CCN5: variants seen among roughly 807,000 people sequenced by gnomAD.
The protein encoded by CCN5 is CCN family member 5.
In CCN5, 17 loss-of-function variants were observed where a neutral mutation model predicts 18.7. The ratio of observed to expected loss-of-function variants is 0.91; its 90% CI spans 0.62 to 1.36. The LOEUF (loss-of-function observed/expected upper bound fraction) is 1.36, where lower values mean the gene tolerates loss of function less well. Ranked by LOEUF, CCN5 falls within the 40% of genes most tolerant of loss-of-function variation. The pLI, the probability that CCN5 is intolerant of heterozygous loss-of-function variation, is 0.00. For missense variants in CCN5, 367 were observed against 342.9 expected (o/e 1.07, Z -0.56); for synonymous variants, 135 against 145.2 (o/e 0.93, Z 0.50).
chr20:44,715,270 CGCGCGCGCGCGTGTGTACTCGTGCGTGT>C (rs1372090062), upstream of CCN5: 1 of 712,358 alleles, frequency 1.4e-6, no homozygotes, highest in Admixed American at 2.2e-5. Flanking sequence ...TGAGCGCGCG[CGCGCGCGCGCGTGTGTACTCGTGCGTGT>C]GCCTGTGTGT....
chr20:44,715,787 CATT>C (rs573185637), intron 1 of CCN5, among the ~76,000 whole-genome samples: 1 of 152,192 alleles, frequency 6.6e-6, no homozygotes, highest in Non-Finnish European at 1.5e-5. Context: ...AATGTATCCT[CATT>C]ATGAATGGGG....
chr20:44,725,204 A>G (rs1424271208), intron 3 of CCN5, among the ~76,000 whole-genome samples: 1 of 150,918 alleles, frequency 6.6e-6, no homozygotes, highest in African/African-American at 2.5e-5. Flanking sequence ...TTGGGAGGCC[A>G]AGACGGGCGG....
At chr20:44,724,634 C>G in intron 2 of CCN5, 104 bp from the exon 3 acceptor site, 1 of 1,542,584 alleles carries the variant, frequency 6.5e-7, no homozygotes, top group Non-Finnish European at 8.7e-7. Context: ...CAGGGCCCAG[C>G]TACTGTGAGG....
At chr20:44,717,527 G>C (rs1465950322) in intron 1 of CCN5, among the ~76,000 whole-genome samples, 1 of 152,174 alleles carries the variant, frequency 6.6e-6, no homozygotes, top group African/African-American at 2.4e-5. Flanking sequence ...CTCTGACTTA[G>C]AAGGGAACCC....
chr20:44,719,412 TG>T (rs2065881763), intron 1 of CCN5, among the ~76,000 whole-genome samples: 1 of 152,202 alleles, frequency 6.6e-6, no homozygotes, highest in African/African-American at 2.4e-5. Flanking sequence ...CCCAGCACTT[TG>T]GGAGGCCGAG....
At position 44,724,874 on chromosome 20, in the gene CCN5, G is replaced by A. The variant is rs780971842; in HGVS notation, c.414G>A (p.Val138=). ...GCGTGCCGCTGTGCAGCGAGGATGT[G>A]CGGCTGCCCAGCTGGGACTGCCCCC... ...FTCVPLCSED[V]RLPSWDCPHP... The change falls in exon 3 of 4, where the codon GTG becomes GTA. Residue 138 remains valine (V), a synonymous_variant. Coordinates refer to ENST00000190983, the MANE Select transcript of CCN5 (RefSeq NM_003881.4). The A allele has an allele frequency of 2.5e-6, 4 of 1,595,368 alleles. No homozygotes were observed. Among genetic ancestry groups the A allele is most frequent in the Non-Finnish European group, 3.4e-6 (4 of 1,172,096 alleles).
At chr20:44,724,064 A>G (rs1568881192) in intron 2 of CCN5, 1 of 152,238 alleles carries the variant, frequency 6.6e-6, no homozygotes, top group African/African-American at 2.4e-5. Flanking sequence ...CTGAGCACCT[A>G]GGCCATGCCT....
At chr20:44,718,003 A>G (rs545801115) in intron 1 of CCN5, among the ~76,000 whole-genome samples, 60 of 152,312 alleles carry the variant, frequency 3.9e-4, no homozygotes, top group Non-Finnish European at 6.2e-4. Flanking sequence ...AAGCTCCTAG[A>G]TGACGCTGCT....
chr20:44,716,115 T>C (rs887823838), intron 1 of CCN5, among the ~76,000 whole-genome samples: 1 of 152,130 alleles, frequency 6.6e-6, no homozygotes, highest in Non-Finnish European at 1.5e-5. Context: ...CAGTTTTCAG[T>C]CAAGTGAGGC....
rs1281402210 is a variant in CCN5 at position 44,727,072 on chromosome 20, T to C, written c.533-15T>C. 5 of 1,560,736 alleles carry C rather than the reference T, an allele frequency of 3.2e-6. No individual in the cohort carries two copies. Among genetic ancestry groups the C allele is most frequent in the Admixed American group, 3.7e-5 (2 of 54,504 alleles). On this transcript the variant is annotated splice_polypyrimidine_tract_variant and intron_variant, in intron 3 of 3. Transcript: ENST00000190983. ...CCTGGCTGCTCAGTGCTAACTCTTG[T>C]TCTTTCCCCCCTAGGACCCCAGTTT...
At chr20:44,723,899 G>A (rs890569232) in intron 2 of CCN5, 2 of 152,286 alleles carry the variant, frequency 1.3e-5, no homozygotes, top group African/African-American at 4.8e-5. Flanking sequence ...CACTGAAGGG[G>A]CATTCCTACA....
At position 44,724,859 on chromosome 20, in the gene CCN5, G is replaced by A. The variant is rs2065924616; in HGVS notation, c.399G>A (p.Leu133=). 1.3e-6 allele frequency: 2 copies of A among 1,596,798 alleles called. No homozygotes were observed. Among genetic ancestry groups the A allele is most frequent in the East Asian group, 2.3e-5 (1 of 44,298 alleles). Residue 133 remains leucine, a synonymous_variant, in exon 3 of 4, where the codon CTG becomes CTA. Transcript: ENST00000190983. ...ACGGCGGCTTCACCTGCGTGCCGCT[G>A]TGCAGCGAGGATGTGCGGCTGCCCA... ...CEDGGFTCVP[L]CSEDVRLPSW... is the part of the protein sequence containing the mutation.
In CCN5 at chr20:44,727,556, C is replaced by A; in HGVS notation, c.*249C>A. ...CTGCCTAGGAGGCTGGCCAAGGTGTCCAGGGTCCTCTAGCCCACTCCCTGC... is the reference window on the plus strand; with the variant it reads ...CTGCCTAGGAGGCTGGCCAAGGTGTACAGGGTCCTCTAGCCCACTCCCTGC... On this transcript the variant is annotated 3_prime_UTR_variant, in exon 4 of 4. Coordinates refer to ENST00000190983, the MANE Select transcript of CCN5 (RefSeq NM_003881.4). 1 of 1,355,204 alleles carries A rather than the reference C, an allele frequency of 7.4e-7. No individual in the cohort carries two copies. The highest frequency in any genetic ancestry group is 9.5e-7 in the Non-Finnish European group (1 of 1,051,824). 83.9% of individuals were successfully genotyped at this position (1,355,204 alleles called of 1,614,324 possible). A position where few individuals can be genotyped will look rare whatever the true frequency, so the allele number is the denominator to read the frequency against.
chr20:44,719,728 C>T (rs2065884117), intron 1 of CCN5, among the ~76,000 whole-genome samples, 169 bp from the exon 2 acceptor site: 1 of 152,228 alleles, frequency 6.6e-6, no homozygotes. Context: ...TGCCATACTG[C>T]CTCTTAGGGC....
chr20:44,715,195 G>C (rs2065847026), upstream of CCN5: 2 of 600,484 alleles, frequency 3.3e-6, no homozygotes, highest in African/African-American at 1.9e-5. Flanking sequence ...CATGAGGATG[G>C]GAAGCGAAGC....
rs1362275144 is a variant in CCN5, at chr20:44,727,139, A to T, written c.585A>T (p.Pro195=). The T allele has an allele frequency of 6.2e-7, 1 of 1,612,414 alleles. No individual in the cohort carries two copies. The highest frequency in any genetic ancestry group is 8.5e-7 in the Non-Finnish European group (1 of 1,179,130). ...VSSLPPGVPC[P]EWSTAWGPCS... ...CCCTGCCCCCTGGTGTCCCCTGCCC[A>T]GAATGGAGCACGGCCTGGGGACCCT... is the stretch of plus-strand genomic sequence containing the variant. The change falls in exon 4 of 4, where the codon CCA becomes CCT. Residue 195 remains proline (P), a synonymous_variant. Coordinates refer to ENST00000190983, the MANE Select transcript of CCN5 (RefSeq NM_003881.4).
rs368644311 is a variant in CCN5 at position 44,727,079 on chromosome 20, C to T, written c.533-8C>T. On this transcript the variant is annotated splice_region_variant and splice_polypyrimidine_tract_variant and intron_variant, in intron 3 of 3. Coordinates refer to ENST00000190983, the MANE Select transcript of CCN5 (RefSeq NM_003881.4). ...GCTCAGTGCTAACTCTTGTTCTTTC[C>T]CCCCTAGGACCCCAGTTTTCTGGCC... 5.9e-5 allele frequency: 92 copies of T among 1,564,462 alleles called. No homozygotes were observed. Among genetic ancestry groups the T allele is most frequent in the Middle Eastern group, 5.3e-4 (3 of 5,648 alleles).
At chr20:44,715,229 T>TTGTGTG (rs746209770), upstream of CCN5, 1,122 of 517,356 alleles carry the variant, frequency 2.2e-3, 1 homozygote, top group African/African-American at 0.012. Context: ...GCTAGTGTGT[T>TTGTGTG]TGTGTGTGTG....
chr20:44,718,877 A>AGTGGGGGG, intron 1 of CCN5, among the ~76,000 whole-genome samples: 1 of 152,284 alleles, frequency 6.6e-6, no homozygotes, highest in South Asian at 2.1e-4. Flanking sequence ...TTAAAAATAA[A>AGTGGGGGG]GATTCCAGGT....
Sources: gnomAD v4.1 joint callset for allele counts (sites outside exome capture counted in the v4.1 genomes callset) on GRCh38, gnomAD v4.1.1 for gene constraint, MANE v1.5 for transcripts, NCBI Gene and HGNC (gene_info 2026-07-23, HGNC 2026-07-21) for gene names.